DLG3: variants seen among roughly 807,000 people sequenced by gnomAD.
DLG3 encodes discs large MAGUK scaffold protein 3.
DLG3 carries 1 observed loss-of-function variant against 64.1 expected under a neutral mutation model. The ratio of observed to expected loss-of-function variants is 0.02; its 90% CI spans 0.01 to 0.07. The LOEUF (loss-of-function observed/expected upper bound fraction) is 0.07, where lower values mean the gene tolerates loss of function less well. Ranked by LOEUF, DLG3 falls within the 10% of genes least tolerant of loss-of-function variation. The pLI, the probability that DLG3 is intolerant of heterozygous loss-of-function variation, is 1.00. For missense variants in DLG3, 429 were observed against 669.5 expected (o/e 0.64, Z 3.96); for synonymous variants, 245 against 259.8 (o/e 0.94, Z 0.55).
intron 10 of DLG3, among the ~76,000 whole-genome samples, chrX:70,489,126 GT>G (rs1210519659): frequency 1.8e-5 from 2 of 111,459 alleles, no homozygotes; most frequent in Non-Finnish European, 3.8e-5. Flanking sequence ...TTGGCTTAAT[GT>G]TTTTTGAAAA....
chrX:70,448,614 C>G (rs749688058), intron 1 of DLG3: 2 of 1,165,384 alleles, frequency 1.7e-6, no homozygotes, highest in South Asian at 3.8e-5. Context: ...AACCCTGAGA[C>G]ACTGAAGCAC....
At chrX:70,457,134 A>G (rs2086723420) in intron 9 of DLG3, among the ~76,000 whole-genome samples, 1 of 112,202 alleles carries the variant, frequency 8.9e-6, no homozygotes, top group African/African-American at 3.2e-5. Context: ...AAGAAGGGAA[A>G]GTTGCTGAAG....
intron 7 of DLG3, chrX:70,452,495 G>A (rs1167249471): frequency 2.0e-6 from 2 of 1,015,712 alleles, no homozygotes; most frequent in East Asian, 8.2e-5. Flanking sequence ...CGGCTGCGCG[G>A]GGCCTGGAAC....
At chrX:70,454,469 G>A (rs756431144) in intron 9 of DLG3, among the ~76,000 whole-genome samples, 153 bp downstream of exon 9, 2 of 112,197 alleles carry the variant, frequency 1.8e-5, no homozygotes, top group Non-Finnish European at 3.8e-5. Flanking sequence ...TGCTGGGTAG[G>A]GGTTGGTTTG....
intron 9 of DLG3, among the ~76,000 whole-genome samples, chrX:70,460,125 A>G (rs1164357564): frequency 9.1e-6 from 1 of 110,026 alleles, no homozygotes; most frequent in Non-Finnish European, 1.9e-5. Flanking sequence ...TCTACTAAAA[A>G]TACAAAAATT....
intron 10 of DLG3, among the ~76,000 whole-genome samples, chrX:70,482,438 A>G (rs1359645506): frequency 2.7e-5 from 3 of 111,615 alleles, no homozygotes; most frequent in East Asian, 2.8e-4. Context: ...AGTAGATATT[A>G]TGATTCCCAT....
chrX:70,462,856 A>G (rs1341745607), intron 9 of DLG3, among the ~76,000 whole-genome samples: 3 of 111,506 alleles, frequency 2.7e-5, no homozygotes, highest in Non-Finnish European at 5.6e-5. Context: ...CCTGTTCTAT[A>G]TACTTAGAAA....
At position 70,449,931 on chromosome X, in the gene DLG3, T is replaced by C. The variant is rs184874926; in HGVS notation, c.703+72T>C. 2.1e-4 allele frequency: 236 copies of C among 1,122,901 alleles called. No homozygotes were observed. In the African/African-American group the frequency reaches 3.9e-3, roughly 19 times the overall value. 92.5% of individuals were successfully genotyped at this position (1,122,901 alleles called of 1,213,427 possible). On this transcript the variant is annotated intron_variant, in intron 4 of 18. Transcript: ENST00000374360. ...AGATCCCATCTTGCCCCATAGGGAA[T>C]TGGAAGGGAATGGCCTTACTCCTTG...
chrX:70,486,668 T>TTTC lies in DLG3; in HGVS notation c.1521-5438_1521-5437insTCT, dbSNP rs776074653. Among the ~76,000 whole-genome samples, 561 of 101,781 alleles carry TTTC rather than the reference T, an allele frequency of 5.5e-3. 7 individuals are homozygous for TTTC. The highest frequency in any genetic ancestry group is 0.019 in the African/African-American group (534 of 28,518). 88.4% of individuals were successfully genotyped at this position (101,781 alleles called of 115,157 possible). A position where few individuals can be genotyped will look rare whatever the true frequency, so the allele number is the denominator to read the frequency against. On this transcript the variant is annotated intron_variant, in intron 10 of 18. Transcript: ENST00000374360. ...CCTTTTGCTTTTTTTTTTTTTTTTT[T>TTTC]TCATGCTCACTCTAATTTTGAGTCA...
chrX:70,445,602 G>T (rs2147765371), intron 1 of DLG3, 44 bp downstream of exon 1: 1 of 1,121,952 alleles, frequency 8.9e-7, no homozygotes, highest in Non-Finnish European at 1.2e-6. Flanking sequence ...ACCCAGGAGG[G>T]CTGGAGAGTG....
At chrX:70,497,700 C>T (rs2087480650) in intron 13 of DLG3, among the ~76,000 whole-genome samples, 6 of 112,183 alleles carry the variant, frequency 5.3e-5, no homozygotes, top group Admixed American at 4.7e-4. Context: ...CCAGAGAAAC[C>T]GTAATTCAAA....
intron 15 of DLG3, 87 bp from the exon 16 acceptor site, chrX:70,499,790 C>A: frequency 9.8e-7 from 1 of 1,020,625 alleles, no homozygotes; most frequent in Non-Finnish European, 1.4e-6. Flanking sequence ...CAGTGACCCA[C>A]CCAGATGAGA....
rs763388530 is a variant in DLG3, at chrX:70,450,587, G to A, written c.841-52G>A. 13 of 1,198,091 alleles carry A rather than the reference G, an allele frequency of 1.1e-5. No homozygotes were observed. In the African/African-American group the frequency reaches 1.2e-4, roughly 11 times the overall value. The stretch of plus-strand genomic sequence containing the variant: ...TGAAAAGGCATCCCTCGAGTTCCCT[G>A]GAGAAGCCTCTCCTTCTTCCAAGTC... On this transcript the variant is annotated intron_variant, in intron 5 of 18. Coordinates refer to ENST00000374360, the MANE Select transcript of DLG3 (RefSeq NM_021120.4).
chrX:70,452,418 G>A, intron 7 of DLG3: 1 of 949,444 alleles, frequency 1.1e-6, no homozygotes, highest in East Asian at 4.7e-5. Context: ...GGGCTGGCGG[G>A]ACTCTGACCG....
At chrX:70,485,627 C>G (rs1400509325) in intron 10 of DLG3, among the ~76,000 whole-genome samples, 1 of 111,979 alleles carries the variant, frequency 8.9e-6, no homozygotes, top group Admixed American at 9.4e-5. Flanking sequence ...TGCTTTGCAT[C>G]GAGAAACCTG....
At chrX:70,468,130 C>T (rs1352272526) in intron 9 of DLG3, among the ~76,000 whole-genome samples, 2 of 111,289 alleles carry the variant, frequency 1.8e-5, no homozygotes, top group African/African-American at 6.5e-5. Flanking sequence ...AGTGCAGCGG[C>T]GCGATCTCGG....
intron 9 of DLG3, among the ~76,000 whole-genome samples, chrX:70,464,056 A>G (rs1391192263): frequency 9.2e-6 from 1 of 108,816 alleles, no homozygotes; most frequent in Non-Finnish European, 1.9e-5. Flanking sequence ...TATAGAGACA[A>G]GATCTTACTA....
intron 12 of DLG3, among the ~76,000 whole-genome samples, chrX:70,493,981 T>C (rs1367231336): frequency 8.9e-6 from 1 of 112,364 alleles, no homozygotes; most frequent in African/African-American, 3.2e-5. Flanking sequence ...TGGAATCCCA[T>C]GCACGTGCAT....
chrX:70,465,601 G>A (rs2086871535), intron 9 of DLG3, among the ~76,000 whole-genome samples: 1 of 112,088 alleles, frequency 8.9e-6, no homozygotes, highest in African/African-American at 3.2e-5. Context: ...CAAATCATCT[G>A]TAAAACTATA....
Sources: allele counts gnomAD v4.1 joint callset (sites outside exome capture counted in the v4.1 genomes callset), GRCh38; gene constraint gnomAD v4.1.1; transcripts MANE v1.5; gene names NCBI Gene and HGNC (gene_info 2026-07-23, HGNC 2026-07-21).